The following PML variants were observed in gnomAD, a reference collection of about 807,000 sequenced individuals.
PML encodes PML nuclear body scaffold.
PML carries 28 observed loss-of-function variants against 65.2 expected under a neutral mutation model. That is an observed-to-expected ratio of 0.43 (90% CI 0.32 to 0.59). PML has a LOEUF of 0.59. Ranked by LOEUF, PML falls within the 20% of genes least tolerant of loss-of-function variation. The pLI is 0.08. For missense variants in PML, 1,021 were observed against 1,203.4 expected, an observed-to-expected ratio of 0.85 and a Z score of 2.24; for synonymous variants, 500 against 508.8, an observed-to-expected ratio of 0.98 and a Z score of 0.23.
intron 2 of PML, among the ~76,000 whole-genome samples, chr15:74,010,638 T>C (rs1458120485): frequency 6.6e-6 from 1 of 152,200 alleles, no homozygotes; most frequent in Non-Finnish European, 1.5e-5. Flanking sequence ...AATCACTTAT[T>C]GAGCATTTAT....
chr15:74,042,787 A>C lies in PML; in HGVS notation c.1711-202A>C. 3 of 985,186 alleles carry C rather than the reference A, an allele frequency of 3.0e-6. No individual in the cohort carries two copies. Among genetic ancestry groups the C allele is most frequent in the Non-Finnish European group, 3.6e-6 (3 of 829,866 alleles). 61.0% of individuals were successfully genotyped at this position (985,186 alleles called of 1,614,324 possible). On this transcript the variant is annotated intron_variant, in intron 7 of 8. Coordinates refer to ENST00000268058, the MANE Select transcript of PML (RefSeq NM_033238.3). The surrounding 1 kb of genome is among the most constrained non-coding windows in gnomAD (Gnocchi z 5.3). ...TGAGGGTGTATGCCCTGGTTCATACATGTAACCCTCACATGTGACACACCC... is the reference window on the plus strand; with the variant it reads ...TGAGGGTGTATGCCCTGGTTCATACCTGTAACCCTCACATGTGACACACCC...
rs958921270 is a variant in PML at position 74,036,381 on chromosome 15, T to G, written c.1710+1851T>G. Reference sequence around the variant, plus strand: ...GCAGATGTGGCTGCTCAATAAACACTTGTTGAACCATCACCCTTGCGAACC... The same window carrying G: ...GCAGATGTGGCTGCTCAATAAACACGTGTTGAACCATCACCCTTGCGAACC... On this transcript the variant is annotated intron_variant, in intron 7 of 8. Transcript: ENST00000268058. 124 of 1,370,962 alleles carry G rather than the reference T, an allele frequency of 9.0e-5. No individual in the cohort carries two copies. The African/African-American group carries it at 1.7e-3, about 18-fold the overall frequency. 84.9% of individuals were successfully genotyped at this position (1,370,962 alleles called of 1,614,324 possible). A position where few individuals can be genotyped will look rare whatever the true frequency, so the allele number is the denominator to read the frequency against.
chr15:74,009,464 A>G (rs1048745972), intron 2 of PML, among the ~76,000 whole-genome samples: 2 of 152,200 alleles, frequency 1.3e-5, no homozygotes, highest in Admixed American at 1.3e-4. Flanking sequence ...GGGCAACATG[A>G]TGAAAGATGT....
Position 74,023,081 on chromosome 15 carries a change from G to A in PML, c.856G>A (p.Val286Met), listed in dbSNP as rs759926492. Residue 286 changes from valine to methionine, a missense_variant, in exon 3 of 9, where the codon GTG becomes ATG. By Grantham distance (21) the Val-to-Met change is conservative. Transcript: ENST00000268058. ...GCTGATCCGCGAGCGCGTGCGCCAG[G>A]TGGTAGCTCACGTGCGGGCTCAGGA... is the stretch of plus-strand genomic sequence containing the variant. ...EELIRERVRQVVAHVRAQERE... is the reference protein window; with the variant it reads ...EELIRERVRQMVAHVRAQERE... The A allele has an allele frequency of 7.5e-6, 12 of 1,603,018 alleles. No individual in the cohort carries two copies. Among genetic ancestry groups the A allele is most frequent in the African/African-American group, 2.7e-5 (2 of 74,864 alleles).
intron 2 of PML, among the ~76,000 whole-genome samples, chr15:74,002,389 TTGTGTG>T (rs34664992): frequency 6.8e-6 from 1 of 146,102 alleles, no homozygotes; most frequent in Non-Finnish European, 1.5e-5. Context: ...GTTCTAGTGC[TTGTGTG>T]TGTGTGTGTA....
At chr15:74,017,564 G>A (rs1277642505) in intron 2 of PML, among the ~76,000 whole-genome samples, 1 of 151,992 alleles carries the variant, frequency 6.6e-6, no homozygotes, top group East Asian at 1.9e-4. Context: ...CAGGAGAATC[G>A]CTTGAACCCA....
chr15:74,003,427 C>T (rs1471479870), intron 2 of PML, among the ~76,000 whole-genome samples: 1 of 152,004 alleles, frequency 6.6e-6, no homozygotes, highest in Non-Finnish European at 1.5e-5. Context: ...AGTGAAACTC[C>T]ATCTCAGAAA....
chr15:74,030,130 C>T (rs1211647496), intron 4 of PML, among the ~76,000 whole-genome samples: 1 of 152,150 alleles, frequency 6.6e-6, no homozygotes, highest in Admixed American at 6.5e-5. Flanking sequence ...AGCCTCCTTG[C>T]CCAGCCCCAG....
intron 1 of PML, among the ~76,000 whole-genome samples, chr15:73,995,913 C>G (rs975969520): frequency 6.6e-6 from 1 of 152,136 alleles, no homozygotes; most frequent in Admixed American, 6.5e-5. Context: ...GCCACCATAC[C>G]TGGCTATTTT....
intron 2 of PML, among the ~76,000 whole-genome samples, chr15:74,021,526 G>T (rs906048105): frequency 6.6e-6 from 1 of 151,932 alleles, no homozygotes; most frequent in Admixed American, 6.6e-5. Flanking sequence ...CAGAGGTTGC[G>T]GTAAGCTGAG....
chr15:74,033,526 T>C, intron 6 of PML, 112 bp downstream of exon 6: 1 of 1,123,710 alleles, frequency 8.9e-7, no homozygotes, highest in Non-Finnish European at 1.3e-6. Context: ...AGGAGTCCCT[T>C]ATTCCCACTG....
intron 2 of PML, among the ~76,000 whole-genome samples, chr15:74,014,301 C>A (rs772367533): frequency 6.6e-6 from 1 of 152,042 alleles, no homozygotes; most frequent in Admixed American, 6.6e-5. Context: ...ACACCCTTGC[C>A]GCATGCCTAG....
chr15:74,024,507 T>C (rs957280457), intron 3 of PML, among the ~76,000 whole-genome samples: 1 of 152,212 alleles, frequency 6.6e-6, no homozygotes, highest in African/African-American at 2.4e-5. Flanking sequence ...ATCATGGAGC[T>C]CTCACTATAT....
Position 74,043,603 on chromosome 15 carries a change from T to C in PML, c.1861+464T>C. On this transcript the variant is annotated intron_variant, in intron 8 of 8. Transcript: ENST00000268058. The surrounding 1 kb of genome is among the most constrained non-coding windows in gnomAD (Gnocchi z 4.3). ...TCAGACCCCTTATCCTGGAAGCCCC[T>C]CTACTTCCTCCAGTGCTTGCCCTGG... is the stretch of plus-strand genomic sequence containing the variant. 1 of 447,926 alleles carries C rather than the reference T, an allele frequency of 2.2e-6. No individual in the cohort carries two copies. Among genetic ancestry groups the C allele is most frequent in the Non-Finnish European group, 4.3e-6 (1 of 234,230 alleles). 27.7% of individuals were successfully genotyped at this position (447,926 alleles called of 1,614,324 possible). A position where few individuals can be genotyped will look rare whatever the true frequency, so the allele number is the denominator to read the frequency against.
In PML at chr15:74,023,273, G is replaced by T. The variant is rs749628246; in HGVS notation, c.1048G>T (p.Gly350Cys). ...GGACCAGGAGGTGCTGGACATGCACGGTTTCCTGCGCCAGGCGCTCTGCCG... is the reference window on the plus strand; with the variant it reads ...GGACCAGGAGGTGCTGGACATGCACTGTTTCCTGCGCCAGGCGCTCTGCCG... ...ASDQEVLDMH[G>C]FLRQALCRLR... The change falls in exon 3 of 9, where the codon GGT (glycine) becomes TGT (cysteine). Residue 350 changes from glycine to cysteine, a missense_variant. By Grantham distance (159) the Gly-to-Cys change is radical (BLOSUM62 -3). Transcript: ENST00000268058. The T allele has an allele frequency of 2.5e-6, 4 of 1,610,556 alleles. No individual in the cohort carries two copies. The highest frequency in any genetic ancestry group is 3.4e-6 in the Non-Finnish European group (4 of 1,179,648).
chr15:74,035,245 CCCACTCCTCGCCAGT>C lies in PML; in HGVS notation c.1710+719_1710+733del. ...TCCTCGCCAGCCCACTCCTCGCCAG[CCCACTCCTCGCCAGT>C]CCAGTCTCTGCTGAGAGCACAAGGA... On this transcript the variant is annotated intron_variant, in intron 7 of 8. Coordinates refer to ENST00000268058, the MANE Select transcript of PML (RefSeq NM_033238.3). The surrounding 1 kb of genome is among the most constrained non-coding windows in gnomAD (Gnocchi z 4.1). The C allele has an allele frequency of 6.2e-7, 1 of 1,606,512 alleles. No individual in the cohort carries two copies. Among genetic ancestry groups the C allele is most frequent in the South Asian group, 1.1e-5 (1 of 90,860 alleles).
At position 74,045,176 on chromosome 15, in the gene PML, A is replaced by T. The variant is rs2071759393; in HGVS notation, c.*168A>T. The stretch of plus-strand genomic sequence containing the variant: ...GGGACCAAATTTCCCTTCTCTAAAC[A>T]TCCTACAGAGAAGGTTCCAAAGCTG... On this transcript the variant is annotated 3_prime_UTR_variant, in exon 9 of 9. Transcript: ENST00000268058. The T allele has an allele frequency of 1.6e-6, 1 of 644,298 alleles. No individual in the cohort carries two copies. The highest frequency in any genetic ancestry group is 1.8e-5 in the African/African-American group (1 of 54,708). The allele number at this position is 644,298 out of a possible 1,614,324, so 39.9% of individuals were successfully genotyped here. A position where few individuals can be genotyped will look rare whatever the true frequency, so the allele number is the denominator to read the frequency against.
Position 74,035,234 on chromosome 15 carries a change from C to T in PML, c.1710+704C>T, listed in dbSNP as rs766513520. ...CGCCAGCCCACTCCTCGCCAGCCCA[C>T]TCCTCGCCAGCCCACTCCTCGCCAG... On this transcript the variant is annotated intron_variant, in intron 7 of 8. Transcript: ENST00000268058. This position sits in a 1 kb window ranked among gnomAD's most constrained non-coding sequence, Gnocchi z 4.1. 2 of 1,598,384 alleles carry T rather than the reference C, an allele frequency of 1.3e-6. No individual in the cohort carries two copies. The highest frequency in any genetic ancestry group is 4.5e-5 in the East Asian group (2 of 44,774).
Position 74,037,295 on chromosome 15 carries a change from T to C in PML, c.1710+2765T>C. On this transcript the variant is annotated intron_variant, in intron 7 of 8. Transcript: ENST00000268058. This position sits in a 1 kb window ranked among gnomAD's most constrained non-coding sequence, Gnocchi z 4.2. ...CATAGGGACAGTTGACATCTTGCTA[T>C]TTACAGATCCCCATCGCACCCCTTC... The C allele has an allele frequency of 4.1e-6, 4 of 985,384 alleles. No individual in the cohort carries two copies. Among genetic ancestry groups the C allele is most frequent in the Non-Finnish European group, 1.2e-6 (1 of 829,904 alleles). 61.0% of individuals were successfully genotyped at this position (985,384 alleles called of 1,614,324 possible).
Sources: gnomAD v4.1 joint callset for allele counts (sites outside exome capture counted in the v4.1 genomes callset) on GRCh38, gnomAD v4.1.1 for gene constraint, Gnocchi (gnomAD v3.1) non-coding constraint, MANE v1.5 for transcripts, NCBI Gene and HGNC (gene_info 2026-07-23, HGNC 2026-07-21) for gene names.